Variants in NALF1 observed in about 807,000 individuals in gnomAD.
NALF1 encodes the protein family with sequence similarity 155 member A.
In NALF1, 3 loss-of-function variants were observed where a neutral mutation model predicts 48.4. The ratio of observed to expected loss-of-function variants is 0.06; its 90% CI spans 0.03 to 0.16. The LOEUF (loss-of-function observed/expected upper bound fraction) is 0.16, where lower values mean the gene tolerates loss of function less well. Among genes scored for constraint, NALF1 ranks in the 10% least tolerant of loss-of-function variants. The pLI, the probability that NALF1 is intolerant of heterozygous loss-of-function variation, is 1.00. For synonymous variants in NALF1, 262 were observed against 245.7 expected (o/e 1.07, Z -0.62); for missense variants, 526 against 571.5 (o/e 0.92, Z 0.81).
At chr13:107,244,730 G>A (rs1475838498) in intron 1 of NALF1, among the ~76,000 whole-genome samples, 4 of 152,138 alleles carry the variant, frequency 2.6e-5, no homozygotes, top group Non-Finnish European at 5.9e-5. Context: ...AACACAGAAA[G>A]GCAGTCTATG....
chr13:107,551,397 A>G (rs1428962117), intron 1 of NALF1, among the ~76,000 whole-genome samples: 5 of 152,190 alleles, frequency 3.3e-5, no homozygotes, highest in African/African-American at 7.2e-5. Flanking sequence ...TTTTAAAACA[A>G]TAATGACAAC....
Position 107,170,487 on chromosome 13 carries a change from C to A in NALF1, c.*10G>T. ...GGCCAGCTGCTGCTGTGGTGACACTCGTCCTTCCGTTACTCCTCATTGGTT... is the reference window on the plus strand; with the variant it reads ...GGCCAGCTGCTGCTGTGGTGACACTAGTCCTTCCGTTACTCCTCATTGGTT... On this transcript the variant is annotated 3_prime_UTR_variant, in exon 3 of 3. Coordinates refer to ENST00000375915, the MANE Select transcript of NALF1 (RefSeq NM_001080396.3). 1 of 1,580,806 alleles carries A rather than the reference C, an allele frequency of 6.3e-7. No homozygotes were observed. The highest frequency in any genetic ancestry group is 1.1e-5 in the South Asian group (1 of 89,632).
At position 107,457,628 on chromosome 13, in the gene NALF1, T is replaced by C. The variant is rs536643184; in HGVS notation, c.916-246873A>G. The stretch of plus-strand genomic sequence containing the variant: ...AGGCAAAGATAAATTAAAACATATA[T>C]ATGTTTTCTGAACCCACTGCTATTT... On this transcript the variant is annotated intron_variant, in intron 1 of 2. Transcript: ENST00000375915. Among the ~76,000 whole-genome samples, 10 of 152,296 alleles carry C rather than the reference T, an allele frequency of 6.6e-5. 1 individual carries two copies. The highest frequency in any genetic ancestry group is 1.7e-4 in the African/African-American group (7 of 41,574).
intron 1 of NALF1, among the ~76,000 whole-genome samples, chr13:107,537,739 T>C (rs1414746046): frequency 6.6e-6 from 1 of 152,050 alleles, no homozygotes; most frequent in Non-Finnish European, 1.5e-5. Flanking sequence ...AACTTTCAGA[T>C]GGGCATGGTG....
At chr13:107,586,902 T>C in intron 1 of NALF1, among the ~76,000 whole-genome samples, 1 of 152,036 alleles carries the variant, frequency 6.6e-6, no homozygotes, top group Non-Finnish European at 1.5e-5. Context: ...AGATTAGAAA[T>C]AGATTTACCA....
chr13:107,230,448 G>A (rs549562158), intron 1 of NALF1, among the ~76,000 whole-genome samples: 5 of 152,076 alleles, frequency 3.3e-5, no homozygotes, highest in African/African-American at 1.2e-4. Flanking sequence ...AAGTGAAAAA[G>A]CCTATATTGA....
At chr13:107,707,903 G>A (rs1010355912) in intron 1 of NALF1, among the ~76,000 whole-genome samples, 5 of 151,966 alleles carry the variant, frequency 3.3e-5, no homozygotes, top group African/African-American at 1.2e-4. Context: ...TCATCTTTGG[G>A]ACTTCCAGAC....
At chr13:107,483,537 TG>T (rs774194792) in intron 1 of NALF1, among the ~76,000 whole-genome samples, 3 of 152,142 alleles carry the variant, frequency 2.0e-5, no homozygotes, top group Non-Finnish European at 4.4e-5. Flanking sequence ...TTTTTTAACC[TG>T]CATACAAAAC....
At chr13:107,417,029 T>A (rs765383630) in intron 1 of NALF1, among the ~76,000 whole-genome samples, 2 of 152,208 alleles carry the variant, frequency 1.3e-5, no homozygotes, top group Non-Finnish European at 2.9e-5. Flanking sequence ...TTTCATTCAG[T>A]CAATGTGGGA....
chr13:107,678,773 A>G (rs955831521), intron 1 of NALF1, among the ~76,000 whole-genome samples: 8 of 152,204 alleles, frequency 5.3e-5, no homozygotes, highest in Non-Finnish European at 1.0e-4. Flanking sequence ...AGCCCCTTAT[A>G]AAACCATCAG....
intron 1 of NALF1, among the ~76,000 whole-genome samples, chr13:107,330,579 T>TA (rs1403885886): frequency 6.6e-6 from 1 of 152,250 alleles, no homozygotes; most frequent in East Asian, 1.9e-4. Flanking sequence ...ACCCTCTTCC[T>TA]AAACTGATGT....
intron 1 of NALF1, among the ~76,000 whole-genome samples, chr13:107,677,168 T>G (rs1881153896): frequency 6.6e-6 from 1 of 152,238 alleles, no homozygotes; most frequent in Non-Finnish European, 1.5e-5. Context: ...TGCTTCAGCC[T>G]CCTGAGTAGG....
At chr13:107,705,117 G>A (rs751719295) in intron 1 of NALF1, among the ~76,000 whole-genome samples, 1 of 152,160 alleles carries the variant, frequency 6.6e-6, no homozygotes, top group African/African-American at 2.4e-5. Flanking sequence ...CAAGAAAACA[G>A]AGGTACTCTT....
intron 1 of NALF1, among the ~76,000 whole-genome samples, chr13:107,446,506 T>C (rs538437732): frequency 4.6e-5 from 7 of 152,298 alleles, no homozygotes; most frequent in Non-Finnish European, 1.0e-4. Context: ...TAACATACTA[T>C]GTATCATCTT....
chr13:107,227,520 A>T (rs1251181607), intron 1 of NALF1, among the ~76,000 whole-genome samples: 2 of 152,260 alleles, frequency 1.3e-5, no homozygotes, highest in Non-Finnish European at 2.9e-5. Flanking sequence ...TAACTGCATA[A>T]GGTTAAAAGT....
intron 1 of NALF1, among the ~76,000 whole-genome samples, chr13:107,781,155 A>T (rs1211913750): frequency 6.6e-6 from 1 of 152,178 alleles, no homozygotes; most frequent in Non-Finnish European, 1.5e-5. Flanking sequence ...GTCTATGCTA[A>T]TATTATTATA....
intron 1 of NALF1, among the ~76,000 whole-genome samples, chr13:107,505,335 G>C (rs1210501632): frequency 6.6e-6 from 1 of 152,210 alleles, no homozygotes; most frequent in Non-Finnish European, 1.5e-5. Flanking sequence ...TGGCAAAGAA[G>C]AGTGGGTTTT....
At chr13:107,838,537 C>T (rs541552728) in intron 1 of NALF1, among the ~76,000 whole-genome samples, 3 of 152,208 alleles carry the variant, frequency 2.0e-5, no homozygotes, top group East Asian at 1.9e-4. Flanking sequence ...TTGTGTCGTA[C>T]GTAACAGGTA....
chr13:107,325,348 A>C (rs1882331288), intron 1 of NALF1, among the ~76,000 whole-genome samples: 1 of 152,168 alleles, frequency 6.6e-6, no homozygotes, highest in Admixed American at 6.6e-5. Flanking sequence ...AAATTCTTTC[A>C]CATCTATTTT....
Sources: allele counts gnomAD v4.1 joint callset (sites outside exome capture counted in the v4.1 genomes callset), GRCh38; gene constraint gnomAD v4.1.1; transcripts MANE v1.5; gene names NCBI Gene and HGNC (gene_info 2026-07-23, HGNC 2026-07-21).